Variants in PUF60 observed in about 807,000 individuals in gnomAD.
PUF60 encodes poly(U)-binding-splicing factor PUF60.
PUF60 carries 10 observed loss-of-function variants against 61.8 expected under a neutral mutation model. That is an observed-to-expected ratio of 0.16 (90% CI 0.10 to 0.27). The LOEUF is 0.27. PUF60 is among the 10% of genes least tolerant of loss of function. The pLI, the probability that PUF60 is intolerant of heterozygous loss-of-function variation, is 1.00. For missense variants in PUF60, 371 were observed against 754.0 expected (o/e 0.49, Z 5.95); for synonymous variants, 353 against 300.9 (o/e 1.17, Z -1.79).
chr8:143,828,900 T>G, intron 1 of PUF60: 1 of 984,048 alleles, frequency 1.0e-6, no homozygotes, highest in Non-Finnish European at 1.2e-6. Flanking sequence ...GGCCCACGCG[T>G]CACCCCCAGA....
rs2130334639 is a variant in PUF60 at position 143,821,869 on chromosome 8, G to T, written c.156C>A (p.Ala52=). 1 of 1,610,242 alleles carries T rather than the reference G, an allele frequency of 6.2e-7. No homozygotes were observed. Residue 52 remains alanine (A), a synonymous_variant, in exon 3 of 12, where the codon GCC becomes GCA. Transcript: ENST00000526683. ...IKMENGQSTA[A]KLGLPPLTPE... ...GCGTCAGGGGAGGCAGCCCCAGCTT[G>T]GCGGCTGTGCTCTGCCCGTTCTCCA... is the stretch of plus-strand genomic sequence containing the variant.
At chr8:143,828,770 C>G (rs1226345380) in intron 1 of PUF60, among the ~76,000 whole-genome samples, 2 of 152,212 alleles carry the variant, frequency 1.3e-5, no homozygotes, top group Non-Finnish European at 2.9e-5. Flanking sequence ...AACCAGATCC[C>G]TCTCCAGCAC....
At position 143,818,633 on chromosome 8, in the gene PUF60, T is replaced by C. The variant is rs987424466; in HGVS notation, c.349-99A>G. 35 of 1,303,544 alleles carry C rather than the reference T, an allele frequency of 2.7e-5. No homozygotes were observed. Among genetic ancestry groups the C allele is most frequent in the East Asian group, 5.1e-5 (2 of 39,234 alleles). 80.7% of individuals were successfully genotyped at this position (1,303,544 alleles called of 1,614,324 possible). A position where few individuals can be genotyped will look rare whatever the true frequency, so the allele number is the denominator to read the frequency against. The stretch of plus-strand genomic sequence containing the variant: ...CTGGCCCACCCACCCAGCCCTGCTG[T>C]GGGGAGGGCTCCCCACATGACAGGG... On this transcript the variant is annotated intron_variant, in intron 5 of 11. Coordinates refer to ENST00000526683, the MANE Select transcript of PUF60 (RefSeq NM_078480.3). This position sits in a 1 kb window ranked among gnomAD's most constrained non-coding sequence, Gnocchi z 7.9.
At chr8:143,828,915 C>G (rs1487339092) in intron 1 of PUF60, 1 of 986,232 alleles carries the variant, frequency 1.0e-6, no homozygotes, top group Non-Finnish European at 1.2e-6. Context: ...CCCAGAACCC[C>G]GCTTCCGTCG....
intron 4 of PUF60, chr8:143,821,302 G>A (rs771221729): frequency 4.6e-5 from 26 of 561,076 alleles, no homozygotes; most frequent in Non-Finnish European, 8.0e-5. Flanking sequence ...AGGGAGCACG[G>A]GAGAGACCAG....
At position 143,827,260 on chromosome 8, in the gene PUF60, T is replaced by A. The variant is rs1210589870; in HGVS notation, c.24+2020A>T. On this transcript the variant is annotated intron_variant, in intron 1 of 11. Coordinates refer to ENST00000526683, the MANE Select transcript of PUF60 (RefSeq NM_078480.3). ...CTCTCTATGAGGTGACATTGCAGGCTGGGGCCTACAGAAGAAAGGAACTGG... is the reference window on the plus strand; with the variant it reads ...CTCTCTATGAGGTGACATTGCAGGCAGGGGCCTACAGAAGAAAGGAACTGG... 2.4e-5 allele frequency: 10 copies of A among 412,282 alleles called. No individual in the cohort carries two copies. In the East Asian group the frequency reaches 7.3e-4, roughly 30 times the overall value. 25.5% of individuals were successfully genotyped at this position (412,282 alleles called of 1,614,324 possible).
At chr8:143,827,196 A>G in intron 1 of PUF60, 1 of 339,078 alleles carries the variant, frequency 2.9e-6, no homozygotes, top group South Asian at 2.2e-5. Flanking sequence ...ATAAGAAAGG[A>G]GTGGCTATGA....
intron 1 of PUF60, among the ~76,000 whole-genome samples, chr8:143,828,384 G>A (rs1817881128): frequency 1.3e-5 from 2 of 152,258 alleles, no homozygotes; most frequent in African/African-American, 2.4e-5. Context: ...CTGCGGCTGA[G>A]AAAGGTCCAA....
chr8:143,824,685 C>CA (rs1289266553), intron 1 of PUF60: 28 of 465,404 alleles, frequency 6.0e-5, no homozygotes, highest in Admixed American at 3.7e-4. Context: ...CTGCCCCAGG[C>CA]AAAAGAAAGC....
chr8:143,827,054 G>A (rs1232027543), intron 1 of PUF60: 12 of 308,312 alleles, frequency 3.9e-5, no homozygotes, highest in Non-Finnish European at 6.3e-6. Context: ...CACAGTGAGC[G>A]CTGCAGAGGC....
Position 143,817,191 on chromosome 8 carries a change from C to A in PUF60, c.1145-46G>T, listed in dbSNP as rs200977068. On this transcript the variant is annotated intron_variant, in intron 10 of 11. Transcript: ENST00000526683. The surrounding 1 kb of genome is among the most constrained non-coding windows in gnomAD (Gnocchi z 7.4). ...TCCATCAGTCACTCCCTACCACCCCCCTTCCCAGAAAGGCACAGAGCTGGC... is the reference window on the plus strand; with the variant it reads ...TCCATCAGTCACTCCCTACCACCCCACTTCCCAGAAAGGCACAGAGCTGGC... 3.9e-6 allele frequency: 6 copies of A among 1,534,874 alleles called. No individual in the cohort carries two copies. In the African/African-American group the frequency reaches 4.1e-5, roughly 10 times the overall value.
At chr8:143,819,660 G>C (rs981592949) in intron 5 of PUF60, among the ~76,000 whole-genome samples, 1 of 152,174 alleles carries the variant, frequency 6.6e-6, no homozygotes, top group African/African-American at 2.4e-5. Flanking sequence ...ACGAGACTGT[G>C]TTCTCCTCAC....
intron 1 of PUF60, chr8:143,827,390 C>G: frequency 2.2e-6 from 1 of 456,274 alleles, no homozygotes. Context: ...CCTACCCTTG[C>G]TGCAAAGAGG....
At chr8:143,829,011 G>A (rs10091538) in intron 1 of PUF60, 1 of 996,166 alleles carries the variant, frequency 1.0e-6, no homozygotes, top group Non-Finnish European at 1.2e-6. Flanking sequence ...AACCCCGCCA[G>A]GCTCGCCCGC....
chr8:143,821,833 C>T lies in PUF60; in HGVS notation c.192G>A (p.Gln64=). The T allele has an allele frequency of 6.2e-7, 1 of 1,610,858 alleles. No homozygotes were observed. Among genetic ancestry groups the T allele is most frequent in the Non-Finnish European group, 8.5e-7 (1 of 1,179,390 alleles). ...CCATGCTCACCTTCTGAAGGGCCTC[C>T]TGCTGCTCGGGCGTCAGGGGAGGCA... ...LGLPPLTPEQ[Q]EALQKAKKYA... is the part of the protein sequence containing the mutation. Residue 64 remains glutamine, a synonymous_variant, in exon 3 of 12, where the codon CAG becomes CAA. Coordinates refer to ENST00000526683, the MANE Select transcript of PUF60 (RefSeq NM_078480.3).
intron 2 of PUF60, among the ~76,000 whole-genome samples, chr8:143,822,244 G>A (rs1042018070): frequency 2.6e-5 from 4 of 152,116 alleles, no homozygotes; most frequent in Non-Finnish European, 4.4e-5. Flanking sequence ...CCCCAGAGCT[G>A]CTATCACATG....
chr8:143,822,511 G>C (rs113667176), intron 2 of PUF60: 1 of 456,444 alleles, frequency 2.2e-6, no homozygotes, highest in Non-Finnish European at 4.4e-6. Flanking sequence ...GGCCTCTCTC[G>C]GGCCACACAA....
At chr8:143,820,795 C>G (rs1389830113) in intron 4 of PUF60, 79 bp from the exon 5 acceptor site, 13 of 1,367,414 alleles carry the variant, frequency 9.5e-6, no homozygotes, top group Non-Finnish European at 1.4e-5. Context: ...ACGCAGACAG[C>G]GGCAAGGCCC....
At chr8:143,824,058 G>A (rs1410868265) in intron 2 of PUF60, among the ~76,000 whole-genome samples, 1 of 152,274 alleles carries the variant, frequency 6.6e-6, no homozygotes, top group African/African-American at 2.4e-5. Flanking sequence ...AACAGGCCCC[G>A]CCTGGTGCTT....
Sources: gnomAD v4.1 joint callset for allele counts (sites outside exome capture counted in the v4.1 genomes callset) on GRCh38, gnomAD v4.1.1 for gene constraint, Gnocchi (gnomAD v3.1) non-coding constraint, MANE v1.5 for transcripts, NCBI Gene and HGNC (gene_info 2026-07-23, HGNC 2026-07-21) for gene names.